Variants in LDLRAD4 observed in about 807,000 individuals in gnomAD.
LDLRAD4 encodes low density lipoprotein receptor class A domain containing 4, also known as low-density lipoprotein receptor class A domain-containing protein 4.
LDLRAD4 carries 5 observed loss-of-function variants against 17.0 expected under a neutral mutation model. The observed-to-expected ratio is 0.29, with a 90% CI of 0.15 to 0.62. The LOEUF (loss-of-function observed/expected upper bound fraction) is 0.62. LDLRAD4 is among the 20% of genes least tolerant of loss of function. The pLI is 0.84. For missense variants in LDLRAD4, 340 were observed against 424.7 expected (o/e 0.80, Z 1.75); for synonymous variants, 168 against 171.8 (o/e 0.98, Z 0.17).
At chr18:13,467,771 G>A (rs917944905) in intron 3 of LDLRAD4, among the ~76,000 whole-genome samples, 43 of 152,232 alleles carry the variant, frequency 2.8e-4, no homozygotes, top group South Asian at 2.1e-4. Context: ...ACGGTGTGGC[G>A]TGGACTTCAG....
chr18:13,506,275 T>G (rs3132836), intron 3 of LDLRAD4, among the ~76,000 whole-genome samples: 92,460 of 151,092 alleles, frequency 0.61, 29,598 homozygotes, highest in East Asian at 0.73. Flanking sequence ...TAACGTGCAG[T>G]TTTGTTACAT....
intron 4 of LDLRAD4, among the ~76,000 whole-genome samples, chr18:13,636,394 T>C (rs1256308417): frequency 6.6e-6 from 1 of 151,584 alleles, no homozygotes; most frequent in Non-Finnish European, 1.5e-5. Context: ...CGGTCCACTG[T>C]ATTCATTCAC....
chr18:13,246,940 GT>G (rs201860613), intron 1 of LDLRAD4, among the ~76,000 whole-genome samples: 37,182 of 144,544 alleles, frequency 0.26, 5,643 homozygotes, highest in Non-Finnish European at 0.36. Context: ...ATCTACAAGG[GT>G]TTTTTTTTTT....
intron 1 of LDLRAD4, among the ~76,000 whole-genome samples, chr18:13,328,667 C>A (rs1375360203): frequency 6.6e-6 from 1 of 152,168 alleles, no homozygotes. Flanking sequence ...ATGATTGTCA[C>A]AATAATTTTA....
chr18:13,348,832 G>A (rs2082863488), intron 1 of LDLRAD4, among the ~76,000 whole-genome samples: 1 of 152,154 alleles, frequency 6.6e-6, no homozygotes, highest in African/African-American at 2.4e-5. Context: ...TGCTGTGCTA[G>A]CAATAAACGA....
intron 1 of LDLRAD4, among the ~76,000 whole-genome samples, chr18:13,247,881 T>C (rs4797753): frequency 0.26 from 38,967 of 151,604 alleles, 6,344 homozygotes; most frequent in Non-Finnish European, 0.36. Context: ...TTAGTCATGA[T>C]GTCCAGTTGA....
chr18:13,495,893 G>C (rs888810969), intron 3 of LDLRAD4, among the ~76,000 whole-genome samples: 1 of 152,168 alleles, frequency 6.6e-6, no homozygotes, highest in African/African-American at 2.4e-5. Flanking sequence ...TAGCTCAGTC[G>C]GGTCGCCTCG....
At chr18:13,397,995 G>T (rs1195815842) in intron 2 of LDLRAD4, among the ~76,000 whole-genome samples, 1 of 152,230 alleles carries the variant, frequency 6.6e-6, no homozygotes, top group Non-Finnish European at 1.5e-5. Flanking sequence ...GACAGCCCCA[G>T]GAGGTGTGGG....
chr18:13,420,899 A>T (rs1555679948), intron 2 of LDLRAD4: 1 of 152,256 alleles, frequency 6.6e-6, no homozygotes, highest in Non-Finnish European at 1.5e-5. Context: ...CTCAGTGCAC[A>T]GGGAGCCTAG....
At chr18:13,371,682 C>T (rs926215462) in intron 1 of LDLRAD4, among the ~76,000 whole-genome samples, 7 of 152,000 alleles carry the variant, frequency 4.6e-5, no homozygotes, top group Admixed American at 2.6e-4. Flanking sequence ...GGAGAATCGC[C>T]TGAACCCGAG....
chr18:13,606,241 G>T (rs2148669627), intron 3 of LDLRAD4, among the ~76,000 whole-genome samples: 1 of 152,234 alleles, frequency 6.6e-6, no homozygotes, highest in East Asian at 1.9e-4. Flanking sequence ...GCAATTTCAG[G>T]CACAAACCCA....
At chr18:13,406,883 G>A (rs1287280238) in intron 2 of LDLRAD4, among the ~76,000 whole-genome samples, 1 of 152,118 alleles carries the variant, frequency 6.6e-6, no homozygotes, top group Non-Finnish European at 1.5e-5. Context: ...AGGATGGTGT[G>A]GTGTGGCGGG....
intron 3 of LDLRAD4, among the ~76,000 whole-genome samples, chr18:13,567,105 A>G (rs1056584532): frequency 7.2e-4 from 110 of 152,176 alleles, no homozygotes; most frequent in African/African-American, 2.6e-3. Context: ...CACTGACCTC[A>G]TCCTCATCGT....
chr18:13,649,804 T>A (rs566835116), exon 6 of LDLRAD4: 15 of 383,628 alleles, frequency 3.9e-5, no homozygotes, highest in East Asian at 1.9e-4. Flanking sequence ...CTTGCTTAAG[T>A]GATTAAAGCC....
intron 3 of LDLRAD4, among the ~76,000 whole-genome samples, chr18:13,538,526 T>A (rs1221556083): frequency 7.3e-6 from 1 of 137,170 alleles, no homozygotes; most frequent in Non-Finnish European, 1.6e-5. Context: ...TTTTGATGTC[T>A]ATGATTTTTT....
intron 3 of LDLRAD4, among the ~76,000 whole-genome samples, chr18:13,590,964 CTT>C (rs983880389): frequency 6.6e-6 from 1 of 152,204 alleles, no homozygotes; most frequent in African/African-American, 2.4e-5. Flanking sequence ...TCCTGCTACT[CTT>C]TGTCTTCAGA....
At chr18:13,455,316 A>C (rs1050709363) in intron 3 of LDLRAD4, among the ~76,000 whole-genome samples, 8 of 152,258 alleles carry the variant, frequency 5.3e-5, no homozygotes, top group African/African-American at 9.6e-5. Flanking sequence ...CCAAATTAAA[A>C]TGCACACATT....
intron 3 of LDLRAD4, among the ~76,000 whole-genome samples, chr18:13,441,035 C>G (rs2146211440): frequency 6.6e-6 from 1 of 152,328 alleles, no homozygotes; most frequent in Non-Finnish European, 1.5e-5. Context: ...CGCGGGTTGC[C>G]TCTGGATTGT....
chr18:13,408,080 A>G (rs1304085510), intron 2 of LDLRAD4, among the ~76,000 whole-genome samples: 1 of 152,208 alleles, frequency 6.6e-6, no homozygotes, highest in African/African-American at 2.4e-5. Flanking sequence ...TCAATTATAT[A>G]TGAAATATGA....
Sources: gnomAD v4.1 joint callset for allele counts (sites outside exome capture counted in the v4.1 genomes callset) on GRCh38, gnomAD v4.1.1 for gene constraint, MANE v1.5 for transcripts, NCBI Gene and HGNC (gene_info 2026-07-23, HGNC 2026-07-21) for gene names.